CDH13: variants seen among roughly 807,000 people sequenced by gnomAD.
CDH13 encodes cadherin 13.
A neutral mutation model predicts 63.8 loss-of-function variants in CDH13; 24 were observed. The observed-to-expected ratio is 0.38, with a 90% confidence interval of 0.27 to 0.53. The LOEUF is 0.53. Among genes scored for constraint, CDH13 ranks in the 20% least tolerant of loss-of-function variants. The pLI is 0.85. For missense variants in CDH13, 1,049 were observed against 903.1 expected, an observed-to-expected ratio of 1.16 and a Z score of -2.07; for synonymous variants, 503 against 355.3, an observed-to-expected ratio of 1.42 and a Z score of -4.67.
chr16:83,007,165 G>C (rs1913612378), intron 2 of CDH13, among the ~76,000 whole-genome samples: 2 of 151,984 alleles, frequency 1.3e-5, no homozygotes, highest in Admixed American at 1.3e-4. Context: ...AAGGTGATCT[G>C]CCCACCTCGG....
intron 3 of CDH13, among the ~76,000 whole-genome samples, chr16:83,053,852 G>A (rs982169238): frequency 6.6e-6 from 1 of 152,092 alleles, no homozygotes; most frequent in East Asian, 1.9e-4. Flanking sequence ...TCGAGACCCC[G>A]ACCGGGTACC....
intron 7 of CDH13, among the ~76,000 whole-genome samples, chr16:83,552,091 C>A (rs1341046482): frequency 1.3e-5 from 2 of 152,212 alleles, no homozygotes; most frequent in African/African-American, 2.4e-5. Flanking sequence ...CACCACCTCC[C>A]ACCTTGGGAT....
At chr16:83,353,910 G>A (rs1043238630) in intron 6 of CDH13, among the ~76,000 whole-genome samples, 1 of 152,250 alleles carries the variant, frequency 6.6e-6, no homozygotes, top group African/African-American at 2.4e-5. Flanking sequence ...CCCAAGCCGG[G>A]AGTCATCCTT....
At chr16:83,071,225 T>G (rs567581089) in intron 3 of CDH13, among the ~76,000 whole-genome samples, 1 of 152,116 alleles carries the variant, frequency 6.6e-6, no homozygotes, top group Non-Finnish European at 1.5e-5. Flanking sequence ...AACACAGCAA[T>G]TGTGGACTGA....
intron 3 of CDH13, among the ~76,000 whole-genome samples, chr16:83,072,891 A>T (rs1050547154): frequency 6.6e-6 from 1 of 152,216 alleles, no homozygotes; most frequent in Non-Finnish European, 1.5e-5. Flanking sequence ...AGGATTTCTA[A>T]CATTTCTGTG....
At chr16:83,528,261 C>A (rs7187172) in intron 7 of CDH13, among the ~76,000 whole-genome samples, 84,783 of 152,092 alleles carry the variant, frequency 0.56, 26,907 homozygotes, top group Non-Finnish European at 0.72. Flanking sequence ...TGGCTATTTG[C>A]CATAATAAGG....
chr16:82,846,521 A>G (rs1429112170), intron 1 of CDH13, among the ~76,000 whole-genome samples: 2 of 152,196 alleles, frequency 1.3e-5, no homozygotes, highest in African/African-American at 4.8e-5. Context: ...TGAGGAAACT[A>G]AGGCAAAGAG....
intron 7 of CDH13, among the ~76,000 whole-genome samples, chr16:83,537,872 A>G (rs1488974711): frequency 6.6e-6 from 1 of 152,190 alleles, no homozygotes; most frequent in East Asian, 1.9e-4. Context: ...ATATTATTTT[A>G]TACCATAACT....
rs1410897121 is a variant in CDH13, at chr16:83,795,532, A to T, written c.*502A>T. 6.4e-6 allele frequency: 1 copy of T among 155,166 alleles called. No individual in the cohort carries two copies. Among genetic ancestry groups the T allele is most frequent in the Non-Finnish European group, 1.4e-5 (1 of 70,042 alleles). 9.6% of individuals were successfully genotyped at this position (155,166 alleles called of 1,614,324 possible). ...ACCTGAACCCTCCAGGGCCTCCCGC[A>T]TCAAGGTCAGCATGAGGACAGACCA... On this transcript the variant is annotated 3_prime_UTR_variant, in exon 14 of 14. Coordinates refer to ENST00000567109, the MANE Select transcript of CDH13 (RefSeq NM_001257.5).
chr16:82,677,086 G>C (rs998337734), intron 1 of CDH13, among the ~76,000 whole-genome samples: 1 of 152,186 alleles, frequency 6.6e-6, no homozygotes, highest in African/African-American at 2.4e-5. Flanking sequence ...GTTTCGCCAT[G>C]TTGGCCAGGA....
intron 6 of CDH13, among the ~76,000 whole-genome samples, chr16:83,442,564 C>A (rs60638058): frequency 6.7e-6 from 1 of 148,186 alleles, no homozygotes; most frequent in Non-Finnish European, 1.5e-5. Context: ...TTTTTTTTTT[C>A]TTTTTCTTTA....
chr16:82,927,100 C>G, intron 2 of CDH13, among the ~76,000 whole-genome samples: 1 of 152,106 alleles, frequency 6.6e-6, no homozygotes, highest in Non-Finnish European at 1.5e-5. Context: ...CTGTTGGCCA[C>G]AGTATCCACA....
At chr16:83,382,101 G>C (rs976629222) in intron 6 of CDH13, among the ~76,000 whole-genome samples, 3 of 152,184 alleles carry the variant, frequency 2.0e-5, no homozygotes, top group African/African-American at 7.2e-5. Context: ...GTGTGGTTGT[G>C]AGTAAGTCAC....
chr16:83,575,649 C>A (rs1306110437), intron 7 of CDH13, among the ~76,000 whole-genome samples: 1 of 152,202 alleles, frequency 6.6e-6, no homozygotes, highest in Admixed American at 6.5e-5. Context: ...GTCCTCATTA[C>A]CTCTTAACCT....
chr16:83,327,506 G>C (rs772850771), intron 5 of CDH13, among the ~76,000 whole-genome samples: 3 of 152,158 alleles, frequency 2.0e-5, no homozygotes, highest in Non-Finnish European at 2.9e-5. Flanking sequence ...TACATTTATT[G>C]AAAATCTACT....
At chr16:83,026,945 C>T (rs1915862972) in intron 2 of CDH13, among the ~76,000 whole-genome samples, 2 of 152,140 alleles carry the variant, frequency 1.3e-5, no homozygotes, top group South Asian at 4.1e-4. Flanking sequence ...TAAATGGATA[C>T]ACACGGGGTC....
chr16:82,762,068 A>G (rs1342057036), intron 1 of CDH13, among the ~76,000 whole-genome samples: 1 of 152,194 alleles, frequency 6.6e-6, no homozygotes, highest in Non-Finnish European at 1.5e-5. Flanking sequence ...AAGTGAAACC[A>G]CAAATCGGAA....
At chr16:83,258,047 T>C (rs1290564905) in intron 5 of CDH13, among the ~76,000 whole-genome samples, 2 of 152,262 alleles carry the variant, frequency 1.3e-5, no homozygotes, top group Non-Finnish European at 2.9e-5. Context: ...TATTCTTGCA[T>C]ACTCTTGGTT....
At chr16:83,103,243 C>CTTTTT (rs35812420) in intron 3 of CDH13, among the ~76,000 whole-genome samples, 11 of 91,228 alleles carry the variant, frequency 1.2e-4, no homozygotes, top group African/African-American at 2.9e-4. Context: ...GTTAACTGAA[C>CTTTTT]TTTTTTTTTT....
Sources: allele counts gnomAD v4.1 joint callset (sites outside exome capture counted in the v4.1 genomes callset), GRCh38; gene constraint gnomAD v4.1.1; transcripts MANE v1.5; gene names NCBI Gene and HGNC (gene_info 2026-07-23, HGNC 2026-07-21).